MAPRE2: variants seen among roughly 807,000 people sequenced by gnomAD.
The protein encoded by MAPRE2 is microtubule associated protein RP/EB family member 2, also known as microtubule-associated protein RP/EB family member 2.
Under a neutral mutation model 43.2 loss-of-function variants are expected in MAPRE2, and 13 were observed. The ratio of observed to expected loss-of-function variants is 0.30; its 90% CI spans 0.20 to 0.48. The LOEUF (loss-of-function observed/expected upper bound fraction) is 0.48. Ranked by LOEUF, MAPRE2 falls within the 20% of genes least tolerant of loss-of-function variation. The probability of loss-of-function intolerance (pLI) is 0.99; values close to 1 mark genes in which losing one functional copy is unlikely to be tolerated. For missense variants in MAPRE2, 161 were observed against 400.2 expected (o/e 0.40, Z 5.10); for synonymous variants, 135 against 148.8 (o/e 0.91, Z 0.68).
chr18:35,100,615 A>G (rs1198880900), intron 3 of MAPRE2, among the ~76,000 whole-genome samples: 1 of 152,214 alleles, frequency 6.6e-6, no homozygotes, highest in African/African-American at 2.4e-5. Flanking sequence ...CATATACACC[A>G]TGGAATACTA....
At chr18:35,138,202 C>T (rs995269942) in intron 6 of MAPRE2, among the ~76,000 whole-genome samples, 4 of 152,092 alleles carry the variant, frequency 2.6e-5, no homozygotes, top group Admixed American at 6.5e-5. Flanking sequence ...GGGGTCGATC[C>T]GGCAGAAGGG....
At chr18:35,019,050 A>G (rs1450121877) in intron 2 of MAPRE2, among the ~76,000 whole-genome samples, 1 of 80,332 alleles carries the variant, frequency 1.2e-5, no homozygotes, top group African/African-American at 3.2e-5. Flanking sequence ...GAATTTTTTT[A>G]GAATTTTTTT....
At chr18:35,052,003 A>G (rs1056894313) in intron 1 of MAPRE2, among the ~76,000 whole-genome samples, 6 of 152,202 alleles carry the variant, frequency 3.9e-5, no homozygotes, top group Admixed American at 3.9e-4. Context: ...CACATAGCAG[A>G]TGTTCATTAA....
chr18:34,978,650 T>G, intron 1 of MAPRE2: 1 of 945,552 alleles, frequency 1.1e-6, no homozygotes, highest in Non-Finnish European at 1.7e-6. Flanking sequence ...GTGTCCCCTC[T>G]GGAAATGAAA....
chr18:34,995,789 G>T (rs1186287622), intron 1 of MAPRE2, among the ~76,000 whole-genome samples: 3 of 152,238 alleles, frequency 2.0e-5, no homozygotes, highest in African/African-American at 4.8e-5. Context: ...TGAGTGAATG[G>T]CTCCTTTACC....
intron 4 of MAPRE2, among the ~76,000 whole-genome samples, chr18:35,108,431 T>C (rs1308239693): frequency 6.6e-6 from 1 of 151,618 alleles, no homozygotes; most frequent in Non-Finnish European, 1.5e-5. Context: ...GCAGTAAACA[T>C]ATGTGTGCAT....
chr18:35,109,732 A>G (rs1909086778), intron 4 of MAPRE2, among the ~76,000 whole-genome samples: 1 of 152,140 alleles, frequency 6.6e-6, no homozygotes, highest in South Asian at 2.1e-4. Flanking sequence ...AAAGTGTGAC[A>G]GCATGTAATC....
intron 2 of MAPRE2, among the ~76,000 whole-genome samples, chr18:35,008,235 C>G (rs767811086): frequency 6.6e-6 from 1 of 151,988 alleles, no homozygotes. Flanking sequence ...AGCAATAGCT[C>G]ATTAGTAGGC....
intron 1 of MAPRE2, among the ~76,000 whole-genome samples, chr18:35,064,272 G>A (rs1210488431): frequency 6.6e-6 from 1 of 151,756 alleles, no homozygotes; most frequent in Admixed American, 6.6e-5. Flanking sequence ...TGGGACCAGA[G>A]CCAGATCCCG....
intron 1 of MAPRE2, among the ~76,000 whole-genome samples, chr18:34,994,558 C>T (rs1184981756): frequency 2.6e-5 from 4 of 152,120 alleles, no homozygotes; most frequent in African/African-American, 9.7e-5. Flanking sequence ...GGGCCCTTTT[C>T]ATCGAGGCCG....
chr18:35,068,621 G>A (rs1485902007), intron 1 of MAPRE2, among the ~76,000 whole-genome samples: 2 of 152,190 alleles, frequency 1.3e-5, no homozygotes, highest in African/African-American at 4.8e-5. Flanking sequence ...AAAAGAGTTA[G>A]GCACCTCTCC....
intron 2 of MAPRE2, among the ~76,000 whole-genome samples, chr18:35,077,578 T>C (rs12455634): frequency 0.052 from 7,931 of 152,278 alleles, 286 homozygotes; most frequent in Non-Finnish European, 0.077. Flanking sequence ...AGAGTGATAC[T>C]GAACATAGTA....
At chr18:34,981,143 C>CG in intron 1 of MAPRE2, among the ~76,000 whole-genome samples, 1 of 151,538 alleles carries the variant, frequency 6.6e-6, no homozygotes, top group East Asian at 1.9e-4. Flanking sequence ...GAGGCCGAGG[C>CG]GGGTGAATCA....
intron 1 of MAPRE2, among the ~76,000 whole-genome samples, chr18:34,983,161 T>G (rs2097017271): frequency 6.6e-6 from 1 of 152,232 alleles, no homozygotes; most frequent in African/African-American, 2.4e-5. Context: ...GTTTTTGTTT[T>G]TGTTTCCCTT....
chr18:35,011,704 A>G (rs1410665898), intron 2 of MAPRE2, among the ~76,000 whole-genome samples: 1 of 152,118 alleles, frequency 6.6e-6, no homozygotes, highest in Non-Finnish European at 1.5e-5. Flanking sequence ...GGTAGAGGTT[A>G]ATGGGTGGAT....
chr18:35,068,190 G>T (rs1022697343), intron 1 of MAPRE2, among the ~76,000 whole-genome samples: 15 of 152,056 alleles, frequency 9.9e-5, no homozygotes, highest in African/African-American at 3.6e-4. Context: ...GTAGATTTTT[G>T]TCTAAAACCT....
chr18:35,056,464 G>T (rs1480518324), intron 1 of MAPRE2, among the ~76,000 whole-genome samples: 1 of 152,148 alleles, frequency 6.6e-6, no homozygotes, highest in Admixed American at 6.5e-5. Context: ...CTCAATTGCT[G>T]AACTCAAACC....
At position 35,114,881 on chromosome 18, in the gene MAPRE2, A is replaced by G. The variant is rs545097393; in HGVS notation, c.611-12067A>G. On this transcript the variant is annotated intron_variant, in intron 4 of 6. Coordinates refer to ENST00000300249, the MANE Select transcript of MAPRE2 (RefSeq NM_014268.4). ...GATCATTCCTTTTCTCTCCATAGGA[A>G]TAATATCAGATTTTACTTCTCAGCC... 1.3e-4 allele frequency among the ~76,000 whole-genome samples: 20 copies of G among 152,366 alleles called. 1 individual carries two copies. Among genetic ancestry groups the G allele is most frequent in the South Asian group, 8.3e-4 (4 of 4,830 alleles).
In MAPRE2 at chr18:35,005,494, T is replaced by C. The variant is rs2097031436; in HGVS notation, c.-67T>C. The C allele has an allele frequency of 2.0e-6, 3 of 1,534,718 alleles. No homozygotes were observed. The East Asian group carries it at 7.4e-5, about 38-fold the overall frequency. On this transcript the variant is annotated splice_region_variant and 5_prime_UTR_variant, in exon 2 of 8. Coordinates refer to the MAPRE2 transcript ENST00000413393. The stretch of plus-strand genomic sequence containing the variant: ...TTCTTCCATTTTTACTATCCCAGTG[T>C]CCTGTTTCCCAGAGGAACAGTTCAT...
Sources: allele counts gnomAD v4.1 joint callset (sites outside exome capture counted in the v4.1 genomes callset), GRCh38; gene constraint gnomAD v4.1.1; transcripts MANE v1.5; gene names NCBI Gene and HGNC (gene_info 2026-07-23, HGNC 2026-07-21).